The following TGFBR1 variants were observed in gnomAD, a reference collection of about 807,000 sequenced individuals.
TGFBR1 encodes transforming growth factor beta receptor 1, also known as TGF-beta receptor type-1.
In TGFBR1, 20 loss-of-function variants were observed where a neutral mutation model predicts 55.1. That is an observed-to-expected ratio of 0.36 (90% CI 0.26 to 0.53). TGFBR1 has a LOEUF of 0.53. TGFBR1 is among the 20% of genes least tolerant of loss of function. The probability of loss-of-function intolerance (pLI) is 0.91; values close to 1 mark genes in which losing one functional copy is unlikely to be tolerated. For missense variants in TGFBR1, 385 were observed against 617.6 expected (o/e 0.62, Z 3.99); for synonymous variants, 220 against 214.8 (o/e 1.02, Z -0.21).
At chr9:99,110,913 G>A (rs918899669) in intron 1 of TGFBR1, among the ~76,000 whole-genome samples, 5 of 152,134 alleles carry the variant, frequency 3.3e-5, no homozygotes, top group Non-Finnish European at 2.9e-5. Flanking sequence ...CTTATGATGG[G>A]GTCACGTACG....
At position 99,110,380 on chromosome 9, in the gene TGFBR1, C is replaced by T. The variant is rs573335034; in HGVS notation, c.97+5078C>T. Reference sequence around the variant, plus strand: ...TTTTTTTCTTTGACCATGGCTAATACGGCATCATTTAGTTCTCATAACCAA... The same window carrying T: ...TTTTTTTCTTTGACCATGGCTAATATGGCATCATTTAGTTCTCATAACCAA... On this transcript the variant is annotated intron_variant, in intron 1 of 8. Coordinates refer to ENST00000374994, the MANE Select transcript of TGFBR1 (RefSeq NM_004612.4). Among the ~76,000 whole-genome samples, 14 of 152,022 alleles carry T rather than the reference C, an allele frequency of 9.2e-5. 1 individual carries two copies. In the South Asian group the frequency reaches 1.9e-3, roughly 20 times the overall value.
Position 99,120,319 on chromosome 9 carries a change from A to G in TGFBR1, c.98-8536A>G, listed in dbSNP as rs117248700. Among the ~76,000 whole-genome samples, 165 of 152,344 alleles carry G rather than the reference A, an allele frequency of 1.1e-3. 4 individuals are homozygous for G. The East Asian group carries it at 0.027, about 25-fold the overall frequency. On this transcript the variant is annotated intron_variant, in intron 1 of 8. Transcript: ENST00000374994. ...ATCTAATAAGAAACTGTGTAAAAGC[A>G]TACTTAGATTGAGAGGAAATAAGAA...
At chr9:99,133,326 G>A (rs1450460154) in intron 3 of TGFBR1, among the ~76,000 whole-genome samples, 1 of 152,000 alleles carries the variant, frequency 6.6e-6, no homozygotes, top group African/African-American at 2.4e-5. Context: ...TGTAGTTTTG[G>A]CCCCTAATGA....
At chr9:99,122,252 C>A (rs1564140178) in intron 1 of TGFBR1, among the ~76,000 whole-genome samples, 1 of 152,068 alleles carries the variant, frequency 6.6e-6, no homozygotes, top group Non-Finnish European at 1.5e-5. Flanking sequence ...TGATGACACA[C>A]TAAGCCTGGG....
rs1827912969 is a variant in TGFBR1 at position 99,149,429 on chromosome 9, G to A, written c.*124G>A. On this transcript the variant is annotated 3_prime_UTR_variant, in exon 9 of 9. Transcript: ENST00000374994. ...GGATATTGCTTCCTTTTGCAGCAGTGTAATAAAGTCAATTAAAAACTTCCC... is the reference window on the plus strand; with the variant it reads ...GGATATTGCTTCCTTTTGCAGCAGTATAATAAAGTCAATTAAAAACTTCCC... 7.1e-7 allele frequency: 1 copy of A among 1,411,878 alleles called. No homozygotes were observed. Among genetic ancestry groups the A allele is most frequent in the East Asian group, 2.3e-5 (1 of 42,924 alleles). The allele number at this position is 1,411,878 out of a possible 1,614,324, so 87.5% of individuals were successfully genotyped here.
chr9:99,129,234 A>G (rs904750137), intron 2 of TGFBR1, 134 bp downstream of exon 2: 1 of 1,026,462 alleles, frequency 9.7e-7, no homozygotes, highest in Non-Finnish European at 1.4e-6. Context: ...TGACTTGTCC[A>G]TTGTTACAGA....
intron 2 of TGFBR1, among the ~76,000 whole-genome samples, chr9:99,130,497 C>T (rs1827190080): frequency 1.3e-5 from 2 of 152,210 alleles, no homozygotes; most frequent in South Asian, 2.1e-4. Context: ...ATGAAAGCAT[C>T]TGCAGTTATA....
Position 99,149,569 on chromosome 9 carries a change from G to T in TGFBR1, c.*264G>T. 4.5e-6 allele frequency: 2 copies of T among 440,320 alleles called. No homozygotes were observed. The highest frequency in any genetic ancestry group is 4.2e-6 in the Non-Finnish European group (1 of 240,466). The allele number at this position is 440,320 out of a possible 1,614,324, so 27.3% of individuals were successfully genotyped here. On this transcript the variant is annotated 3_prime_UTR_variant, in exon 9 of 9. Transcript: ENST00000374994. ...CCTTTATTTTTTATTAACAAAACTT[G>T]TTTTTTAAAAAGATGATTGCTGGTC...
chr9:99,129,334 C>T (rs2118581183), intron 2 of TGFBR1, among the ~76,000 whole-genome samples: 1 of 152,202 alleles, frequency 6.6e-6, no homozygotes, highest in South Asian at 2.1e-4. Flanking sequence ...TCTGTTATAC[C>T]TAAAAGGATA....
intron 1 of TGFBR1, among the ~76,000 whole-genome samples, chr9:99,123,631 T>C (rs1826956721): frequency 1.3e-5 from 2 of 152,172 alleles, no homozygotes; most frequent in South Asian, 2.1e-4. Context: ...ATTTTGGTTT[T>C]TTGGTTTTCT....
rs1828027305 is a variant in TGFBR1, at chr9:99,153,404, C to T, written c.*4099C>T. 1.4e-5 allele frequency: 3 copies of T among 214,862 alleles called. No individual in the cohort carries two copies. The highest frequency in any genetic ancestry group is 2.3e-5 in the African/African-American group (1 of 44,232). 13.3% of individuals were successfully genotyped at this position (214,862 alleles called of 1,614,324 possible). A position where few individuals can be genotyped will look rare whatever the true frequency, so the allele number is the denominator to read the frequency against. ...TAGGCTTTATCAGTGTAATCTCTGC[C>T]TTTTAAGATATGTACAGAAAATGTC... On this transcript the variant is annotated 3_prime_UTR_variant, in exon 9 of 9. Transcript: ENST00000374994.
At chr9:99,119,227 C>G (rs771353517) in intron 1 of TGFBR1, among the ~76,000 whole-genome samples, 1 of 152,174 alleles carries the variant, frequency 6.6e-6, no homozygotes, top group Non-Finnish European at 1.5e-5. Context: ...TCCTCTGCCC[C>G]GAGTCAATGG....
chr9:99,151,399 T>TG lies in TGFBR1; in HGVS notation c.*2094_*2095insG. 5.0e-6 allele frequency: 1 copy of TG among 200,722 alleles called. No individual in the cohort carries two copies. 12.4% of individuals were successfully genotyped at this position (200,722 alleles called of 1,614,324 possible). On this transcript the variant is annotated 3_prime_UTR_variant, in exon 9 of 9. Coordinates refer to ENST00000374994, the MANE Select transcript of TGFBR1 (RefSeq NM_004612.4). Reference sequence around the variant, plus strand: ...TTTTTTGTGGGGGTTTTTTTTTTGTTTTTTTTTTTTTGTTGTTGTTTTTGG... The same window carrying TG: ...TTTTTTGTGGGGGTTTTTTTTTTGTTGTTTTTTTTTTTGTTGTTGTTTTTGG...
chr9:99,130,241 G>C (rs1827179711), intron 2 of TGFBR1, among the ~76,000 whole-genome samples: 2 of 152,142 alleles, frequency 1.3e-5, no homozygotes, highest in African/African-American at 4.8e-5. Flanking sequence ...AAAGGATTTG[G>C]GGGGTGAGGT....
chr9:99,113,926 G>A (rs566360293), intron 1 of TGFBR1, among the ~76,000 whole-genome samples: 2 of 152,104 alleles, frequency 1.3e-5, no homozygotes, highest in African/African-American at 4.8e-5. Flanking sequence ...AATTGTAGAA[G>A]GAATTTCTTA....
chr9:99,132,902 C>T (rs892976088), intron 3 of TGFBR1, among the ~76,000 whole-genome samples, 163 bp downstream of exon 3: 1 of 152,160 alleles, frequency 6.6e-6, no homozygotes, highest in African/African-American at 2.4e-5. Flanking sequence ...GTATATATGA[C>T]TGTGGCTGGT....
At chr9:99,124,571 A>G (rs185399652) in intron 1 of TGFBR1, among the ~76,000 whole-genome samples, 115 of 152,310 alleles carry the variant, frequency 7.6e-4, no homozygotes, top group Non-Finnish European at 2.1e-4. Context: ...AATAAAATAA[A>G]TTTGAATTTT....
chr9:99,135,674 G>T (rs555620142), intron 3 of TGFBR1, among the ~76,000 whole-genome samples: 1 of 152,086 alleles, frequency 6.6e-6, no homozygotes, highest in Non-Finnish European at 1.5e-5. Flanking sequence ...ATGAGCTCTT[G>T]TAATATATGC....
chr9:99,133,426 C>T (rs1827312275), intron 3 of TGFBR1, among the ~76,000 whole-genome samples: 1 of 152,178 alleles, frequency 6.6e-6, no homozygotes, highest in South Asian at 2.1e-4. Context: ...TGGATTTTGG[C>T]ATAGCAGTGC....
Sources: allele counts gnomAD v4.1 joint callset (sites outside exome capture counted in the v4.1 genomes callset), GRCh38; gene constraint gnomAD v4.1.1; transcripts MANE v1.5; gene names NCBI Gene and HGNC (gene_info 2026-07-23, HGNC 2026-07-21).